Variants in TRIM62 observed in about 807,000 individuals in gnomAD.
TRIM62 encodes E3 ubiquitin-protein ligase TRIM62.
Under a neutral mutation model 44.2 loss-of-function variants are expected in TRIM62, and 39 were observed. The ratio of observed to expected loss-of-function variants is 0.88; its 90% confidence interval spans 0.68 to 1.15. The LOEUF is 1.15. Among genes scored for constraint, TRIM62 ranks in the 50% most tolerant of loss-of-function variants. The probability of loss-of-function intolerance (pLI) is 0.00; values close to 1 mark genes in which losing one functional copy is unlikely to be tolerated. For synonymous variants in TRIM62, 278 were observed against 292.3 expected, an observed-to-expected ratio of 0.95 and a Z score of 0.50; for missense variants, 544 against 665.5, an observed-to-expected ratio of 0.82 and a Z score of 2.01.
At chr1:33,157,413 G>A (rs1400784154) in intron 4 of TRIM62, among the ~76,000 whole-genome samples, 1 of 151,976 alleles carries the variant, frequency 6.6e-6, no homozygotes, top group African/African-American at 2.4e-5. Flanking sequence ...TGACTCTAAT[G>A]CTTCCTTCTC....
chr1:33,166,812 C>T (rs920773259), intron 1 of TRIM62, among the ~76,000 whole-genome samples: 1 of 152,192 alleles, frequency 6.6e-6, no homozygotes, highest in Non-Finnish European at 1.5e-5. Flanking sequence ...TTTCCTTTGT[C>T]TCAGGTTCCA....
intron 4 of TRIM62, among the ~76,000 whole-genome samples, chr1:33,149,385 C>T (rs1221974261): frequency 1.3e-5 from 2 of 151,986 alleles, no homozygotes; most frequent in Non-Finnish European, 2.9e-5. Flanking sequence ...AACTCCTGGC[C>T]TCAAGTGATC....
intron 1 of TRIM62, among the ~76,000 whole-genome samples, chr1:33,180,243 G>T (rs1645450288): frequency 6.6e-6 from 1 of 152,112 alleles, no homozygotes; most frequent in African/African-American, 2.4e-5. Context: ...ACTCCTAGAG[G>T]TCTAGCCCCT....
intron 4 of TRIM62, among the ~76,000 whole-genome samples, chr1:33,149,613 C>T (rs1360519432): frequency 1.3e-5 from 2 of 151,810 alleles, no homozygotes; most frequent in Non-Finnish European, 2.9e-5. Flanking sequence ...CATCACTATG[C>T]GCAGCTAATT....
At position 33,159,291 on chromosome 1, in the gene TRIM62, ATAT is replaced by A. The variant is rs1645227878; in HGVS notation, c.761+394_761+396del. Among the ~76,000 whole-genome samples, 1 of 152,120 alleles carries A rather than the reference ATAT, an allele frequency of 6.6e-6. No individual in the cohort carries two copies. The highest frequency in any genetic ancestry group is 1.5e-5 in the Non-Finnish European group (1 of 68,018). ...AAATAAAATAATATGTAATATATTT[ATAT>A]TATGATTGTAAACACTATTAAATGC... On this transcript the variant is annotated intron_variant, in intron 3 of 4. Transcript: ENST00000291416. The surrounding 1 kb of genome is among the most constrained non-coding windows in gnomAD (Gnocchi z 4.2).
intron 1 of TRIM62, among the ~76,000 whole-genome samples, chr1:33,166,728 C>T (rs1323099247): frequency 2.0e-5 from 3 of 152,008 alleles, no homozygotes; most frequent in Non-Finnish European, 2.9e-5. Flanking sequence ...ATGACTCCTG[C>T]GATGAATAAC....
intron 4 of TRIM62, among the ~76,000 whole-genome samples, chr1:33,156,843 G>A (rs1020060787): frequency 3.9e-5 from 6 of 151,964 alleles, no homozygotes; most frequent in Admixed American, 1.3e-4. Context: ...TATCTCCCTC[G>A]TCTTCTTTCT....
At chr1:33,174,905 G>A (rs784772) in intron 1 of TRIM62, among the ~76,000 whole-genome samples, 139,440 of 147,384 alleles carry the variant, frequency 0.95, 65,870 homozygotes, top group East Asian at 0.99. Context: ...GTGTGTGTGT[G>A]TATATATATA....
rs1033946211 is a variant in TRIM62, at chr1:33,146,044, C to T, written c.*1133G>A. 3 of 377,636 alleles carry T rather than the reference C, an allele frequency of 7.9e-6. No individual in the cohort carries two copies. In the Admixed American group the frequency reaches 1.0e-4, roughly 13 times the overall value. The allele number at this position is 377,636 out of a possible 1,614,324, so 23.4% of individuals were successfully genotyped here. ...AGAGGGAGCCTAGTTCTGCAGTCAG[C>T]AGCTTTCTGGCATAGTGGCTTCCTG... On this transcript the variant is annotated 3_prime_UTR_variant, in exon 5 of 5. Coordinates refer to ENST00000291416, the MANE Select transcript of TRIM62 (RefSeq NM_018207.3).
At position 33,147,656 on chromosome 1, in the gene TRIM62, CA is replaced by C. The variant is rs764813456; in HGVS notation, c.948del (p.Ile316MetfsTer49). 1 of 1,613,946 alleles carries C rather than the reference CA, an allele frequency of 6.2e-7. No homozygotes were observed. Among genetic ancestry groups the C allele is most frequent in the South Asian group, 1.1e-5 (1 of 91,084 alleles). On this transcript the variant is annotated frameshift_variant, in exon 5 of 5. Coordinates refer to ENST00000291416, the MANE Select transcript of TRIM62 (RefSeq NM_018207.3). LOFTEE classifies it high-confidence loss of function. The surrounding 1 kb of genome is among the most constrained non-coding windows in gnomAD (Gnocchi z 8.1). ...TGTGGGTGCAAGTTGCCGTAAGCCA[CA>C]ATGGTGCAGTCGTCCGACAGGATCA... is the stretch of plus-strand genomic sequence containing the variant. ...QRLILSDDCT[I>X]VAYGNLHPQP...
Position 33,181,686 on chromosome 1 carries a change from G to A in TRIM62, c.-254C>T, listed in dbSNP as rs567418717. 7.1e-6 allele frequency: 4 copies of A among 564,238 alleles called. No homozygotes were observed. The highest frequency in any genetic ancestry group is 4.4e-5 in the South Asian group (2 of 45,910). The allele number at this position is 564,238 out of a possible 1,614,324, so 35.0% of individuals were successfully genotyped here. A position where few individuals can be genotyped will look rare whatever the true frequency, so the allele number is the denominator to read the frequency against. ...TAGTGGGCAGCTCAAGGCGATGGGC[G>A]CTGGGAGGAGGCTGTGAGCGGCTGA... On this transcript the variant is annotated 5_prime_UTR_variant, in exon 1 of 5. Coordinates refer to ENST00000291416, the MANE Select transcript of TRIM62 (RefSeq NM_018207.3). The surrounding 1 kb of genome is among the most constrained non-coding windows in gnomAD (Gnocchi z 6.5).
chr1:33,147,699 G>C lies in TRIM62; in HGVS notation c.906C>G (p.Gly302=). The C allele has an allele frequency of 6.2e-7, 1 of 1,613,102 alleles. No individual in the cohort carries two copies. ...ACAGGATCAGGCGCTGGTGGGCTGT[G>C]CCCGGGTCCAGGGTTAGGGCGGCTG... is the stretch of plus-strand genomic sequence containing the variant. ...PVPAALTLDP[G]TAHQRLILSD... Residue 302 remains glycine, a synonymous_variant, in exon 5 of 5, where the codon GGC becomes GGG. Coordinates refer to ENST00000291416, the MANE Select transcript of TRIM62 (RefSeq NM_018207.3). The surrounding 1 kb of genome is among the most constrained non-coding windows in gnomAD (Gnocchi z 8.1).
At chr1:33,180,969 C>T (rs1645456693) in intron 1 of TRIM62, 56 bp downstream of exon 1, 8 of 575,532 alleles carry the variant, frequency 1.4e-5, no homozygotes, top group African/African-American at 3.9e-5. Flanking sequence ...CACCCCCCGC[C>T]CGGCCCCACC....
In TRIM62 at chr1:33,165,752, G is replaced by A. The variant is rs1212819878; in HGVS notation, c.409-186C>T. On this transcript the variant is annotated intron_variant, in intron 1 of 4. Transcript: ENST00000291416. This position sits in a 1 kb window ranked among gnomAD's most constrained non-coding sequence, Gnocchi z 4.0. ...TGTCTCCTAAACACCTCCAGAACCC[G>A]TCCGTATCTTTCACCTGCATCTTTG... The A allele has an allele frequency of 1.8e-5, 8 of 433,298 alleles. No homozygotes were observed. The highest frequency in any genetic ancestry group is 4.3e-5 in the Admixed American group (1 of 23,522). 26.8% of individuals were successfully genotyped at this position (433,298 alleles called of 1,614,324 possible).
Position 33,181,095 on chromosome 1 carries a change from A to G in TRIM62, c.338T>C (p.Phe113Ser). ...CTCGTGCAGTGCAGGCTCGTCGCAG[A>G]AGAAGCAGAGAAGCGCGCGGTCCGT... ...CLTDRALLCF[F>S]CDEPALHEQH... The change falls in exon 1 of 5, where the codon TTC becomes TCC. Residue 113 changes from phenylalanine to serine, a missense_variant. Physicochemically the swap from Phe to Ser is radical, Grantham distance 155. Coordinates refer to ENST00000291416, the MANE Select transcript of TRIM62 (RefSeq NM_018207.3). This position sits in a 1 kb window ranked among gnomAD's most constrained non-coding sequence, Gnocchi z 6.5. 6.3e-7 allele frequency: 1 copy of G among 1,599,864 alleles called. No homozygotes were observed. Among genetic ancestry groups the G allele is most frequent in the Non-Finnish European group, 8.5e-7 (1 of 1,178,792 alleles).
rs189667254 is a variant in TRIM62, at chr1:33,157,976, C to T, written c.877+277G>A. On this transcript the variant is annotated intron_variant, in intron 4 of 4. Coordinates refer to ENST00000291416, the MANE Select transcript of TRIM62 (RefSeq NM_018207.3). ...TTCACCATGTTGACCAGGCTGGTCT[C>T]GAACTCCTGACCTCATGATCCACCC... is the stretch of plus-strand genomic sequence containing the variant. 2.4e-4 allele frequency among the ~76,000 whole-genome samples: 36 copies of T among 152,174 alleles called. No individual in the cohort carries two copies. The East Asian group carries it at 7.0e-3, about 29-fold the overall frequency.
At chr1:33,153,679 A>T (rs2124719213) in intron 4 of TRIM62, among the ~76,000 whole-genome samples, 1 of 152,272 alleles carries the variant, frequency 6.6e-6, no homozygotes, top group Non-Finnish European at 1.5e-5. Flanking sequence ...GAACACTAGC[A>T]TCCCTATTTC....
rs1645259193 is a variant in TRIM62, at chr1:33,161,055, A to G, written c.505-1111T>C. 6.6e-6 allele frequency among the ~76,000 whole-genome samples: 1 copy of G among 152,254 alleles called. No individual in the cohort carries two copies. The highest frequency in any genetic ancestry group is 6.5e-5 in the Admixed American group (1 of 15,286). On this transcript the variant is annotated intron_variant, in intron 2 of 4. Transcript: ENST00000291416. This position sits in a 1 kb window ranked among gnomAD's most constrained non-coding sequence, Gnocchi z 4.3. ...GCTATGGCAACGTCAGTTGCCTAAG[A>G]GCTGTGAACCTTAGTTTTCTTATCT... is the stretch of plus-strand genomic sequence containing the variant.
rs1645314972 is a variant in TRIM62, at chr1:33,165,154, G to A, written c.504+317C>T. The A allele has an allele frequency of 4.1e-6, 1 of 241,318 alleles. No individual in the cohort carries two copies. The highest frequency in any genetic ancestry group is 8.1e-6 in the Non-Finnish European group (1 of 123,162). The allele number at this position is 241,318 out of a possible 1,614,324, so 14.9% of individuals were successfully genotyped here. A position where few individuals can be genotyped will look rare whatever the true frequency, so the allele number is the denominator to read the frequency against. ...AGCACATTCCCCAGCCCTTCAGGAG[G>A]CAGGGGGTTTCCGGAGGGTCCCGGG... On this transcript the variant is annotated intron_variant, in intron 2 of 4. Coordinates refer to ENST00000291416, the MANE Select transcript of TRIM62 (RefSeq NM_018207.3). The surrounding 1 kb of genome is among the most constrained non-coding windows in gnomAD (Gnocchi z 4.0).
Sources: gnomAD v4.1 joint callset for allele counts (sites outside exome capture counted in the v4.1 genomes callset) on GRCh38, gnomAD v4.1.1 for gene constraint, Gnocchi (gnomAD v3.1) non-coding constraint, MANE v1.5 for transcripts, NCBI Gene and HGNC (gene_info 2026-07-23, HGNC 2026-07-21) for gene names.